Variants in IQGAP2 observed in about 807,000 individuals in gnomAD.
IQGAP2 encodes the protein IQ motif containing GTPase activating protein 2.
IQGAP2 carries 173 observed loss-of-function variants against 201.3 expected under a neutral mutation model. The ratio of observed to expected loss-of-function variants is 0.86; its 90% CI spans 0.76 to 0.98. IQGAP2 has a LOEUF of 0.98. IQGAP2 is among the 50% of genes least tolerant of loss of function. The pLI is 0.00. For synonymous variants in IQGAP2, 675 were observed against 673.9 expected (o/e 1.00, Z -0.03); for missense variants, 1,687 against 1,864.8 (o/e 0.90, Z 1.76).
chr5:76,518,042 C>T (rs1363350198), intron 2 of IQGAP2, among the ~76,000 whole-genome samples: 3 of 152,236 alleles, frequency 2.0e-5, no homozygotes, highest in African/African-American at 4.8e-5. Context: ...CTGCAACCTC[C>T]GCCTCCTGGG....
intron 23 of IQGAP2, among the ~76,000 whole-genome samples, chr5:76,670,375 A>G (rs1744200114): frequency 6.6e-6 from 1 of 152,066 alleles, no homozygotes; most frequent in Admixed American, 6.6e-5. Flanking sequence ...TTAGCCAGAC[A>G]TGGTGGCGGG....
chr5:76,423,097 G>T (rs1751811311), intron 1 of IQGAP2, among the ~76,000 whole-genome samples: 1 of 152,138 alleles, frequency 6.6e-6, no homozygotes, highest in South Asian at 2.1e-4. Flanking sequence ...CTGAGTAAAG[G>T]ATTTATCCAT....
intron 14 of IQGAP2, 111 bp downstream of exon 14, chr5:76,627,611 G>A (rs1048832761): frequency 3.8e-5 from 26 of 683,428 alleles, no homozygotes; most frequent in African/African-American, 1.3e-4. Flanking sequence ...CCAAGTTTTA[G>A]TTCTTGGACA....
At chr5:76,548,991 A>G (rs911318683) in intron 2 of IQGAP2, among the ~76,000 whole-genome samples, 2 of 152,184 alleles carry the variant, frequency 1.3e-5, no homozygotes, top group African/African-American at 4.8e-5. Flanking sequence ...AAATGCTGGC[A>G]TACTTCCTGC....
At chr5:76,544,368 A>G (rs1271617121) in intron 2 of IQGAP2, among the ~76,000 whole-genome samples, 1 of 152,224 alleles carries the variant, frequency 6.6e-6, no homozygotes, top group Non-Finnish European at 1.5e-5. Context: ...ACTCAAGGAC[A>G]GGGCCACTTG....
chr5:76,626,765 T>A (rs142865177), intron 13 of IQGAP2, among the ~76,000 whole-genome samples: 2 of 152,112 alleles, frequency 1.3e-5, no homozygotes, highest in Non-Finnish European at 2.9e-5. Context: ...AATAATTGAT[T>A]GAGGGAGAGA....
intron 2 of IQGAP2, among the ~76,000 whole-genome samples, chr5:76,561,810 C>CA (rs1278645518): frequency 6.6e-6 from 1 of 152,008 alleles, no homozygotes; most frequent in Non-Finnish European, 1.5e-5. Flanking sequence ...GGTGTCTTCC[C>CA]AAAAAAGATA....
chr5:76,619,472 T>C (rs1271338427), intron 13 of IQGAP2, among the ~76,000 whole-genome samples: 1 of 151,548 alleles, frequency 6.6e-6, no homozygotes, highest in East Asian at 1.9e-4. Context: ...TTCCTTTACC[T>C]AGCAAAAGGG....
chr5:76,500,563 A>G (rs1031104507), intron 2 of IQGAP2, among the ~76,000 whole-genome samples: 3 of 152,236 alleles, frequency 2.0e-5, no homozygotes, highest in African/African-American at 7.2e-5. Context: ...GTATGAATTA[A>G]GGAATACTAA....
chr5:76,701,360 TC>T, intron 34 of IQGAP2, 147 bp downstream of exon 34: 4 of 751,320 alleles, frequency 5.3e-6, no homozygotes, highest in Non-Finnish European at 6.8e-6. Context: ...TGGCTACTCT[TC>T]CCTTGGCCTC....
At chr5:76,506,628 CA>C (rs1390528776) in intron 2 of IQGAP2, among the ~76,000 whole-genome samples, 3 of 152,052 alleles carry the variant, frequency 2.0e-5, no homozygotes, top group Admixed American at 6.6e-5. Context: ...TTGCTTTATA[CA>C]AAAATGTACA....
intron 2 of IQGAP2, among the ~76,000 whole-genome samples, chr5:76,530,330 G>A (rs891702426): frequency 2.0e-5 from 3 of 152,072 alleles, no homozygotes; most frequent in Non-Finnish European, 2.9e-5. Context: ...GATGAGTTTC[G>A]GGAAGAAACA....
intron 2 of IQGAP2, among the ~76,000 whole-genome samples, chr5:76,487,985 A>G (rs1228819915): frequency 6.6e-6 from 1 of 152,250 alleles, no homozygotes; most frequent in Non-Finnish European, 1.5e-5. Context: ...CTGGAGTTGT[A>G]GGACATGGGA....
At chr5:76,575,603 C>A in intron 4 of IQGAP2, 90 bp from the exon 5 acceptor site, 2 of 658,792 alleles carry the variant, frequency 3.0e-6, no homozygotes, top group Non-Finnish European at 2.5e-6. Context: ...TATAGGATAG[C>A]AAGGACAATC....
chr5:76,419,508 T>A (rs1298191959), intron 1 of IQGAP2, among the ~76,000 whole-genome samples: 10 of 152,112 alleles, frequency 6.6e-5, no homozygotes, highest in Admixed American at 6.6e-4. Context: ...GGCTAATTTT[T>A]TGTATTTTTA....
chr5:76,685,055 C>A (rs1745617392), intron 30 of IQGAP2, among the ~76,000 whole-genome samples: 1 of 152,160 alleles, frequency 6.6e-6, no homozygotes, highest in Non-Finnish European at 1.5e-5. Context: ...CTGGAAACAG[C>A]CCCTGTCTTA....
At chr5:76,496,851 A>G (rs1174441178) in intron 2 of IQGAP2, among the ~76,000 whole-genome samples, 3 of 145,806 alleles carry the variant, frequency 2.1e-5, no homozygotes, top group Admixed American at 1.4e-4. Flanking sequence ...ATTTTTTGAG[A>G]TAGAGTCTTG....
chr5:76,410,770 A>T (rs1341333542), intron 1 of IQGAP2, among the ~76,000 whole-genome samples: 2 of 152,192 alleles, frequency 1.3e-5, no homozygotes, highest in African/African-American at 2.4e-5. Context: ...TCACTGATTT[A>T]CGGTCCTGCA....
At chr5:76,418,417 G>T (rs1277809326) in intron 1 of IQGAP2, among the ~76,000 whole-genome samples, 1 of 151,932 alleles carries the variant, frequency 6.6e-6, no homozygotes, top group African/African-American at 2.4e-5. Context: ...CTGAATTGAG[G>T]CTGGACCCGG....
Sources: allele counts gnomAD v4.1 joint callset (sites outside exome capture counted in the v4.1 genomes callset), GRCh38; gene constraint gnomAD v4.1.1; transcripts MANE v1.5; gene names NCBI Gene and HGNC (gene_info 2026-07-23, HGNC 2026-07-21).